FAM227B: variants seen among roughly 807,000 people sequenced by gnomAD.
FAM227B encodes family with sequence similarity 227 member B.
In FAM227B, 88 loss-of-function variants were observed where a neutral mutation model predicts 73.8. That is an observed-to-expected ratio of 1.19 (90% CI 1.00 to 1.42). FAM227B has a LOEUF of 1.42. Ranked by LOEUF, FAM227B falls within the 40% of genes most tolerant of loss-of-function variation. FAM227B has a pLI of 0.00. For synonymous variants in FAM227B, 210 were observed against 190.5 expected, an observed-to-expected ratio of 1.10 and a Z score of -0.84; for missense variants, 632 against 590.9, an observed-to-expected ratio of 1.07 and a Z score of -0.72.
At chr15:49,463,329 G>A (rs2053970890) in intron 11 of FAM227B, among the ~76,000 whole-genome samples, 1 of 152,146 alleles carries the variant, frequency 6.6e-6, no homozygotes, top group Non-Finnish European at 1.5e-5. Flanking sequence ...TGAGGTGGGT[G>A]GATCACCTGA....
At chr15:49,408,951 A>C (rs2048700861) in intron 11 of FAM227B, among the ~76,000 whole-genome samples, 1 of 152,092 alleles carries the variant, frequency 6.6e-6, no homozygotes, top group Non-Finnish European at 1.5e-5. Flanking sequence ...TGAGTATATA[A>C]ATTCTAGTAA....
chr15:49,328,839 A>G (rs935805510), intron 15 of FAM227B, 164 bp from the exon 16 acceptor site: 3 of 1,394,270 alleles, frequency 2.2e-6, no homozygotes, highest in Non-Finnish European at 2.8e-6. Context: ...GAATATTTGT[A>G]AACCATGTAA....
chr15:49,405,690 T>C (rs150615395), intron 11 of FAM227B, among the ~76,000 whole-genome samples: 1 of 152,340 alleles, frequency 6.6e-6, no homozygotes, highest in African/African-American at 2.4e-5. Context: ...TGGGTTTCAA[T>C]GTACTCCTGC....
chr15:49,469,599 T>C (rs377722508), intron 11 of FAM227B, among the ~76,000 whole-genome samples: 2 of 152,140 alleles, frequency 1.3e-5, no homozygotes, highest in Non-Finnish European at 2.9e-5. Flanking sequence ...CAATAAAGTA[T>C]TGAATTGAAA....
In FAM227B at chr15:49,363,040, C is replaced by G. The variant is rs192152477; in HGVS notation, c.1271+4408G>C. Among the ~76,000 whole-genome samples, 915 of 152,094 alleles carry G rather than the reference C, an allele frequency of 6.0e-3. 7 individuals are homozygous for G. The highest frequency in any genetic ancestry group is 7.2e-3 in the Non-Finnish European group (490 of 67,920). ...GGTTACTGTAGCCTTGTAGTGGAAT[C>G]TGAATTTGGGTAACATGATTCCTCC... On this transcript the variant is annotated intron_variant, in intron 13 of 15. Transcript: ENST00000299338.
chr15:49,383,864 C>G (rs1420558768), intron 11 of FAM227B, among the ~76,000 whole-genome samples: 2 of 152,038 alleles, frequency 1.3e-5, no homozygotes, highest in Non-Finnish European at 2.9e-5. Flanking sequence ...CATAATCTCA[C>G]GTGCTAATGA....
chr15:49,517,105 T>G (rs542533390), intron 10 of FAM227B, among the ~76,000 whole-genome samples: 29 of 152,324 alleles, frequency 1.9e-4, no homozygotes, highest in African/African-American at 7.0e-4. Flanking sequence ...GATATACATT[T>G]GTGTTGTTAT....
intron 11 of FAM227B, among the ~76,000 whole-genome samples, chr15:49,460,981 T>C (rs1475040432): frequency 2.6e-5 from 4 of 152,224 alleles, no homozygotes; most frequent in African/African-American, 4.8e-5. Flanking sequence ...GGCATCCATG[T>C]AGACCATAAA....
chr15:49,577,609 AG>A lies in FAM227B; in HGVS notation c.441+19del. On this transcript the variant is annotated intron_variant, in intron 6 of 15. Transcript: ENST00000299338. ...TAATACACTTGATATACAATCTGGC[AG>A]AACAGAAATTTTAAGTACCTCTATA... The A allele has an allele frequency of 6.7e-7, 1 of 1,502,170 alleles. No homozygotes were observed. Among genetic ancestry groups the A allele is most frequent in the African/African-American group, 1.4e-5 (1 of 71,596 alleles). 93.1% of individuals were successfully genotyped at this position (1,502,170 alleles called of 1,614,324 possible). A position where few individuals can be genotyped will look rare whatever the true frequency, so the allele number is the denominator to read the frequency against.
At chr15:49,428,826 G>A (rs914068866) in intron 11 of FAM227B, among the ~76,000 whole-genome samples, 2 of 151,978 alleles carry the variant, frequency 1.3e-5, no homozygotes, top group Non-Finnish European at 2.9e-5. Flanking sequence ...CAAGAAAAGG[G>A]TTAGCCATTC....
rs531650435 is a variant in FAM227B at position 49,555,662 on chromosome 15, C to T, written c.747+12583G>A. Among the ~76,000 whole-genome samples, 134 of 152,266 alleles carry T rather than the reference C, an allele frequency of 8.8e-4. 5 individuals are homozygous for T. In the South Asian group the frequency reaches 0.027, roughly 30 times the overall value. On this transcript the variant is annotated intron_variant, in intron 9 of 15. Transcript: ENST00000299338. Reference sequence around the variant, plus strand: ...TTTTCCATGCTGCTTGCTTTCTCTCCCTCTTTCAAGGATGTCAATGAGTCA... The same window carrying T: ...TTTTCCATGCTGCTTGCTTTCTCTCTCTCTTTCAAGGATGTCAATGAGTCA...
At chr15:49,575,664 C>T (rs1011301010) in intron 7 of FAM227B, among the ~76,000 whole-genome samples, 3 of 151,988 alleles carry the variant, frequency 2.0e-5, no homozygotes, top group African/African-American at 7.2e-5. Context: ...TCATATTTGG[C>T]TAGTAGATAT....
At chr15:49,390,557 C>T (rs1235660202) in intron 11 of FAM227B, among the ~76,000 whole-genome samples, 2 of 151,990 alleles carry the variant, frequency 1.3e-5, no homozygotes, top group African/African-American at 4.8e-5. Flanking sequence ...CAATCTAATT[C>T]ATGGGCCAAG....
At chr15:49,589,542 TACACACACACACACACACACACAC>T (rs35391819) in intron 4 of FAM227B, among the ~76,000 whole-genome samples, 10 of 139,724 alleles carry the variant, frequency 7.2e-5, no homozygotes, top group Admixed American at 1.4e-4. Flanking sequence ...TTTATGAGAT[TACACACACACACACACACACACAC>T]ACACACACAC....
chr15:49,492,782 A>C (rs2057235298), intron 11 of FAM227B, among the ~76,000 whole-genome samples: 1 of 151,870 alleles, frequency 6.6e-6, no homozygotes, highest in African/African-American at 2.4e-5. Flanking sequence ...TGATCTTTAT[A>C]ATCAGAATAA....
chr15:49,602,946 A>G (rs764986194), intron 3 of FAM227B, among the ~76,000 whole-genome samples: 29 of 152,180 alleles, frequency 1.9e-4, no homozygotes, highest in Non-Finnish European at 3.2e-4. Context: ...GTTGAAAATG[A>G]GTTCACTGCA....
At chr15:49,603,442 T>C (rs533728401) in intron 3 of FAM227B, among the ~76,000 whole-genome samples, 10 of 152,298 alleles carry the variant, frequency 6.6e-5, no homozygotes, top group Admixed American at 2.0e-4. Context: ...GATTTTTCTC[T>C]CTTGGCATAT....
rs547452849 is a variant in FAM227B, at chr15:49,445,992, T to C, written c.1012+62219A>G. Among the ~76,000 whole-genome samples, 4 of 151,670 alleles carry C rather than the reference T, an allele frequency of 2.6e-5. No homozygotes were observed. In the South Asian group the frequency reaches 8.3e-4, roughly 31 times the overall value. On this transcript the variant is annotated intron_variant, in intron 11 of 15. Coordinates refer to ENST00000299338, the MANE Select transcript of FAM227B (RefSeq NM_152647.3). ...TTATAATTTTATATAAATTCATGAA[T>C]TTTTTCCTTACTGGAATAGACATAT...
intron 5 of FAM227B, among the ~76,000 whole-genome samples, chr15:49,582,507 T>TA (rs1468197993): frequency 6.6e-6 from 1 of 152,146 alleles, no homozygotes; most frequent in Non-Finnish European, 1.5e-5. Context: ...CAAAGAGACT[T>TA]AGACTCCCAC....
Sources: allele counts gnomAD v4.1 joint callset (sites outside exome capture counted in the v4.1 genomes callset), GRCh38; gene constraint gnomAD v4.1.1; transcripts MANE v1.5; gene names NCBI Gene and HGNC (gene_info 2026-07-23, HGNC 2026-07-21).